Variants in TENM3 observed in about 807,000 individuals in gnomAD.
The protein encoded by TENM3 is teneurin transmembrane protein 3, also known as teneurin-3.
In TENM3, 63 loss-of-function variants were observed where a neutral mutation model predicts 255.1. The ratio of observed to expected loss-of-function variants is 0.25; its 90% confidence interval spans 0.20 to 0.30. The LOEUF (loss-of-function observed/expected upper bound fraction) is 0.30, where lower values mean the gene tolerates loss of function less well. Among genes scored for constraint, TENM3 ranks in the 10% least tolerant of loss-of-function variants. TENM3 has a pLI of 1.00. For synonymous variants in TENM3, 1,306 were observed against 1,322.3 expected, an observed-to-expected ratio of 0.99 and a Z score of 0.27; for missense variants, 2,929 against 3,461.1, an observed-to-expected ratio of 0.85 and a Z score of 3.86.
At chr4:181,903,468 A>T in the TENM3 span, among the ~76,000 whole-genome samples, 2 of 152,164 alleles carry the variant, frequency 1.3e-5, no homozygotes, top group Admixed American at 6.6e-5. Context: ...GGCTAGAGAT[A>T]GGAGTGACTG....
chr4:181,522,495 G>A, the TENM3 span, among the ~76,000 whole-genome samples: 438 of 152,286 alleles, frequency 2.9e-3, 1 homozygote, highest in Middle Eastern at 0.01. Flanking sequence ...TAGAAAGACT[G>A]TGGTGATATG....
chr4:181,953,850 A>T, the TENM3 span, among the ~76,000 whole-genome samples: 1 of 152,106 alleles, frequency 6.6e-6, no homozygotes, highest in Non-Finnish European at 1.5e-5. Flanking sequence ...AAATTTTGAC[A>T]TATTTATACA....
chr4:182,688,287 C>T lies in TENM3; in HGVS notation c.2157C>T (p.His719=), dbSNP rs1310194730. 9.3e-6 allele frequency: 15 copies of T among 1,613,718 alleles called. No homozygotes were observed. The highest frequency in any genetic ancestry group is 4.5e-5 in the East Asian group (2 of 44,884). Residue 719 remains histidine (H), a synonymous_variant, in exon 12 of 28, where the codon CAC becomes CAT. Transcript: ENST00000511685. The part of the protein sequence containing the change: ...QRACHPRCAE[H]GTCKDGKCEC... The stretch of plus-strand genomic sequence containing the variant: ...CCTGCCACCCCCGCTGTGCCGAGCA[C>T]GGGACCTGCAAGGATGGCAAGTGTG...
chr4:182,192,386 T>G (rs1415707186), intron 1 of TENM3, among the ~76,000 whole-genome samples: 2 of 152,250 alleles, frequency 1.3e-5, no homozygotes, highest in African/African-American at 2.4e-5. Context: ...CATTGCCCTT[T>G]CAAATTTATG....
the TENM3 span, among the ~76,000 whole-genome samples, chr4:182,115,126 A>T: frequency 6.6e-6 from 1 of 152,220 alleles, no homozygotes; most frequent in African/African-American, 2.4e-5. Flanking sequence ...GGTTACAGTG[A>T]GCCAAGATCA....
chr4:181,958,521 T>C, the TENM3 span, among the ~76,000 whole-genome samples: 63 of 151,538 alleles, frequency 4.2e-4, no homozygotes, highest in African/African-American at 1.4e-3. Flanking sequence ...TCAGATAGAG[T>C]TTTTTAATAA....
chr4:181,525,075 A>G, the TENM3 span, among the ~76,000 whole-genome samples: 1 of 152,208 alleles, frequency 6.6e-6, no homozygotes. Context: ...TTTTAAAAAC[A>G]GAATATCGAA....
chr4:181,471,624 G>A, the TENM3 span, among the ~76,000 whole-genome samples: 102,780 of 151,988 alleles, frequency 0.68, 35,364 homozygotes, highest in Non-Finnish European at 0.74. Context: ...AACTTCACCC[G>A]ACTTCAGGCA....
the TENM3 span, among the ~76,000 whole-genome samples, chr4:181,741,742 C>T: frequency 2.8e-4 from 43 of 152,140 alleles, no homozygotes; most frequent in Admixed American, 2.5e-3. Flanking sequence ...CACCCTGTCA[C>T]GGGTGGAACC....
intron 1 of TENM3, among the ~76,000 whole-genome samples, chr4:182,213,360 G>A (rs1287830635): frequency 1.3e-5 from 2 of 152,122 alleles, no homozygotes; most frequent in Non-Finnish European, 2.9e-5. Context: ...CCACTAATAC[G>A]TTGCATAGTG....
At chr4:181,531,460 T>G in the TENM3 span, among the ~76,000 whole-genome samples, 1 of 152,182 alleles carries the variant, frequency 6.6e-6, no homozygotes, top group Non-Finnish European at 1.5e-5. Context: ...CTCATGTTCT[T>G]TCTACCCTCT....
the TENM3 span, among the ~76,000 whole-genome samples, chr4:181,921,431 C>G: frequency 6.6e-6 from 1 of 152,138 alleles, no homozygotes; most frequent in Admixed American, 6.5e-5. Context: ...TTGTAGTTCT[C>G]CTTGAAGAGC....
chr4:182,280,896 A>T (rs1163453946), intron 1 of TENM3, among the ~76,000 whole-genome samples: 3 of 152,320 alleles, frequency 2.0e-5, no homozygotes, highest in Non-Finnish European at 4.4e-5. Context: ...ACCAGCAGCA[A>T]ATCCCCTAAG....
the TENM3 span, among the ~76,000 whole-genome samples, chr4:181,490,091 A>C: frequency 6.6e-6 from 1 of 152,216 alleles, no homozygotes; most frequent in African/African-American, 2.4e-5. Context: ...TGATATCTTA[A>C]ATCGAAGTGT....
At chr4:182,308,122 G>A (rs1424721801) in intron 1 of TENM3, among the ~76,000 whole-genome samples, 1 of 152,176 alleles carries the variant, frequency 6.6e-6, no homozygotes, top group Non-Finnish European at 1.5e-5. Flanking sequence ...ACTTACTCAA[G>A]AGCCTTTGTG....
At chr4:181,883,388 T>C in the TENM3 span, among the ~76,000 whole-genome samples, 1 of 152,188 alleles carries the variant, frequency 6.6e-6, no homozygotes, top group Non-Finnish European at 1.5e-5. Context: ...TAATACTACA[T>C]ACCATGTCAC....
the TENM3 span, among the ~76,000 whole-genome samples, chr4:181,879,046 G>C: frequency 6.6e-6 from 1 of 152,124 alleles, no homozygotes; most frequent in Non-Finnish European, 1.5e-5. Flanking sequence ...ATGAAAGTGG[G>C]ATTGCCACAT....
At chr4:181,813,816 A>G in the TENM3 span, among the ~76,000 whole-genome samples, 1 of 152,174 alleles carries the variant, frequency 6.6e-6, no homozygotes, top group Admixed American at 6.5e-5. Flanking sequence ...GAGAAAAGGG[A>G]AGTAGTCAGC....
At chr4:181,958,455 A>G in the TENM3 span, among the ~76,000 whole-genome samples, 1 of 152,216 alleles carries the variant, frequency 6.6e-6, no homozygotes, top group Non-Finnish European at 1.5e-5. Context: ...GGATTAGAGT[A>G]ACTGTGTCAA....
Sources: gnomAD v4.1 joint callset for allele counts (sites outside exome capture counted in the v4.1 genomes callset) on GRCh38, gnomAD v4.1.1 for gene constraint, MANE v1.5 for transcripts, NCBI Gene and HGNC (gene_info 2026-07-23, HGNC 2026-07-21) for gene names.